Variants in SGCD observed in about 807,000 individuals in gnomAD.
SGCD encodes delta-sarcoglycan.
Under a neutral mutation model 36.6 loss-of-function variants are expected in SGCD, and 18 were observed. The ratio of observed to expected loss-of-function variants is 0.49; its 90% CI spans 0.34 to 0.73. The LOEUF (loss-of-function observed/expected upper bound fraction) is 0.73. Ranked by LOEUF, SGCD falls within the 30% of genes least tolerant of loss-of-function variation. SGCD has a pLI of 0.01. For synonymous variants in SGCD, 133 were observed against 130.6 expected (o/e 1.02, Z -0.12); for missense variants, 387 against 346.7 (o/e 1.12, Z -0.92).
intron 1 of SGCD, among the ~76,000 whole-genome samples, chr5:155,933,053 C>T (rs1757128610): frequency 6.6e-6 from 1 of 152,152 alleles, no homozygotes; most frequent in Non-Finnish European, 1.5e-5. Context: ...TTGCTTTGTC[C>T]ACTGTTAGAG....
At position 156,032,288 on chromosome 5, in the gene SGCD, A is replaced by G. The variant is rs185010481; in HGVS notation, c.-281-85590A>G. Among the ~76,000 whole-genome samples, 610 of 152,240 alleles carry G rather than the reference A, an allele frequency of 4.0e-3. 3 individuals carry two copies. The highest frequency in any genetic ancestry group is 7.1e-3 in the Non-Finnish European group (481 of 68,026). ...TTCTTGTTTAGTTAGGCATCTAGAA[A>G]TATGCCCTGACATTGAGACTCACCC... On this transcript the variant is annotated intron_variant, in intron 1 of 9. Transcript: ENST00000517913.
chr5:156,677,528 A>C (rs1297775456), intron 7 of SGCD, among the ~76,000 whole-genome samples: 1 of 150,688 alleles, frequency 6.6e-6, no homozygotes, highest in African/African-American at 2.4e-5. Context: ...ATCACATACC[A>C]GGGCCTGTTG....
At chr5:156,657,549 G>A (rs907954567) in intron 7 of SGCD, among the ~76,000 whole-genome samples, 5 of 151,612 alleles carry the variant, frequency 3.3e-5, no homozygotes, top group Non-Finnish European at 5.9e-5. Flanking sequence ...GATCACCTGA[G>A]CTCAGGAGTT....
intron 1 of SGCD, among the ~76,000 whole-genome samples, chr5:155,910,311 G>C (rs1756604580): frequency 6.6e-6 from 1 of 152,042 alleles, no homozygotes; most frequent in Non-Finnish European, 1.5e-5. Context: ...CTATTGAAAG[G>C]AAAATGGAGA....
intron 3 of SGCD, among the ~76,000 whole-genome samples, chr5:156,317,480 T>C (rs1767548680): frequency 1.3e-5 from 2 of 152,146 alleles, no homozygotes; most frequent in Admixed American, 1.3e-4. Context: ...TGATCGCAAT[T>C]TCAAAAGTTT....
intron 3 of SGCD, among the ~76,000 whole-genome samples, chr5:156,270,963 A>T (rs976973175): frequency 4.6e-5 from 7 of 152,322 alleles, no homozygotes; most frequent in African/African-American, 1.7e-4. Flanking sequence ...TCTTTATAAC[A>T]TCAACCAAAC....
chr5:156,335,236 C>G (rs1433460710), intron 2 of SGCD, among the ~76,000 whole-genome samples: 4 of 152,146 alleles, frequency 2.6e-5, no homozygotes, highest in African/African-American at 7.2e-5. Flanking sequence ...AATTGATGTT[C>G]ATCAATGCTG....
the SGCD span, among the ~76,000 whole-genome samples, chr5:155,832,633 C>T: frequency 2.6e-5 from 4 of 152,160 alleles, no homozygotes; most frequent in African/African-American, 7.2e-5. Context: ...CTTGTCCTTC[C>T]TCCTGATGTG....
At chr5:155,903,065 G>A (rs1756424376) in intron 1 of SGCD, among the ~76,000 whole-genome samples, 1 of 152,166 alleles carries the variant, frequency 6.6e-6, no homozygotes, top group African/African-American at 2.4e-5. Flanking sequence ...AAATGCAAAT[G>A]AGAATTTTTC....
chr5:156,070,972 T>G (rs1239401425), intron 1 of SGCD, among the ~76,000 whole-genome samples: 1 of 152,108 alleles, frequency 6.6e-6, no homozygotes, highest in East Asian at 1.9e-4. Context: ...GGGATCAGTG[T>G]TGATATCCCC....
intron 3 of SGCD, among the ~76,000 whole-genome samples, chr5:156,285,188 G>A (rs1329345195): frequency 6.6e-6 from 1 of 152,118 alleles, no homozygotes; most frequent in African/African-American, 2.4e-5. Flanking sequence ...ACAAACAAAT[G>A]GAAGAACATT....
At chr5:156,518,162 A>C (rs1275488197) in intron 4 of SGCD, among the ~76,000 whole-genome samples, 1 of 152,176 alleles carries the variant, frequency 6.6e-6, no homozygotes, top group African/African-American at 2.4e-5. Flanking sequence ...AAGCAAATGG[A>C]AAAACAGAAA....
intron 2 of SGCD, among the ~76,000 whole-genome samples, chr5:156,121,504 C>G (rs1762039769): frequency 6.6e-6 from 1 of 152,050 alleles, no homozygotes; most frequent in East Asian, 1.9e-4. Context: ...TTCCTAACCA[C>G]TTTTAGACTA....
chr5:156,516,581 AAACTC>A (rs1757181528), intron 4 of SGCD, among the ~76,000 whole-genome samples: 1 of 152,240 alleles, frequency 6.6e-6, no homozygotes, highest in African/African-American at 2.4e-5. Context: ...AAAAAGCTGA[AAACTC>A]AAAAGGCCAG....
At chr5:156,595,553 C>A (rs999402143) in intron 6 of SGCD, among the ~76,000 whole-genome samples, 1 of 152,130 alleles carries the variant, frequency 6.6e-6, no homozygotes, top group African/African-American at 2.4e-5. Flanking sequence ...GAGTCTGGTC[C>A]CCTAGTGGAA....
intron 3 of SGCD, among the ~76,000 whole-genome samples, chr5:156,169,737 G>A (rs114121569): frequency 0.036 from 5,428 of 152,114 alleles, 344 homozygotes; most frequent in African/African-American, 0.12. Flanking sequence ...TGCTTGAGAT[G>A]GACTAAATAG....
At chr5:155,853,874 A>G in the SGCD span, among the ~76,000 whole-genome samples, 1 of 152,176 alleles carries the variant, frequency 6.6e-6, no homozygotes, top group Non-Finnish European at 1.5e-5. Context: ...GGTTATGACT[A>G]CACCAACATT....
intron 1 of SGCD, among the ~76,000 whole-genome samples, chr5:155,999,438 G>A (rs1241857865): frequency 1.3e-5 from 2 of 152,180 alleles, no homozygotes; most frequent in Non-Finnish European, 2.9e-5. Flanking sequence ...GAGCAAATCT[G>A]ATCCTTTTAA....
intron 3 of SGCD, among the ~76,000 whole-genome samples, chr5:156,169,893 C>T (rs1049490801): frequency 6.6e-6 from 1 of 152,078 alleles, no homozygotes; most frequent in Non-Finnish European, 1.5e-5. Flanking sequence ...CCATAGAGAG[C>T]CTTATAGGCT....
Sources: allele counts gnomAD v4.1 joint callset (sites outside exome capture counted in the v4.1 genomes callset), GRCh38; gene constraint gnomAD v4.1.1; transcripts MANE v1.5; gene names NCBI Gene and HGNC (gene_info 2026-07-23, HGNC 2026-07-21).